The following ACYP2 variants were observed in gnomAD, a reference collection of about 807,000 sequenced individuals.
ACYP2 encodes the protein acylphosphatase 2, also known as acylphosphatase-2.
A neutral mutation model predicts 11.2 loss-of-function variants in ACYP2; 12 were observed. That is an observed-to-expected ratio of 1.08 (90% CI 0.69 to 1.74). The LOEUF (loss-of-function observed/expected upper bound fraction) is 1.74. ACYP2 is among the 40% of genes most tolerant of loss of function. ACYP2 has a pLI of 0.00. For synonymous variants in ACYP2, 43 were observed against 32.2 expected (o/e 1.33, Z -1.13); for missense variants, 134 against 101.9 (o/e 1.31, Z -1.35).
intron 6 of ACYP2, among the ~76,000 whole-genome samples, chr2:54,281,387 G>T (rs981179619): frequency 1.3e-5 from 2 of 152,212 alleles, no homozygotes; most frequent in African/African-American, 4.8e-5. Flanking sequence ...CATAGTCAAT[G>T]GATGTTATAG....
At chr2:54,164,071 G>A (rs187839984) in intron 6 of ACYP2, among the ~76,000 whole-genome samples, 35 of 152,248 alleles carry the variant, frequency 2.3e-4, no homozygotes, top group Admixed American at 3.9e-4. Flanking sequence ...GTAGAATTTC[G>A]GAAGACCAAA....
At chr2:54,061,728 G>C (rs1676478828) in intron 4 of ACYP2, among the ~76,000 whole-genome samples, 2 of 152,148 alleles carry the variant, frequency 1.3e-5, no homozygotes, top group South Asian at 4.1e-4. Context: ...CAAGCAGAGT[G>C]ATGTAATACA....
chr2:54,095,616 C>G lies in ACYP2; in HGVS notation c.277+38256C>G, dbSNP rs1272650133. ...GGCGGCTGGCCGAGTGGGGGGCTGA[C>G]CCCCCCACCTCCCTCCCAGATGGGG... On this transcript the variant is annotated intron_variant, in intron 4 of 6. Coordinates refer to ENST00000607452, the MANE Select transcript of ACYP2 (RefSeq NM_001320586.2). Among the ~76,000 whole-genome samples, 7 of 145,460 alleles carry G rather than the reference C, an allele frequency of 4.8e-5. No homozygotes were observed. In the East Asian group the frequency reaches 1.1e-3, roughly 22 times the overall value.
chr2:54,234,649 C>A (rs932259712), intron 6 of ACYP2, among the ~76,000 whole-genome samples: 1 of 152,178 alleles, frequency 6.6e-6, no homozygotes, highest in Admixed American at 6.5e-5. Context: ...TTCGGTTAAT[C>A]ATTGGCCCTC....
At chr2:54,123,755 C>T (rs1680291893) in intron 4 of ACYP2, among the ~76,000 whole-genome samples, 1 of 152,050 alleles carries the variant, frequency 6.6e-6, no homozygotes, top group Non-Finnish European at 1.5e-5. Flanking sequence ...AATATTCATA[C>T]CATGATTAGG....
intron 2 of ACYP2, among the ~76,000 whole-genome samples, chr2:54,022,161 C>G (rs1426982332): frequency 6.6e-6 from 1 of 151,932 alleles, no homozygotes; most frequent in Non-Finnish European, 1.5e-5. Flanking sequence ...GCTTTTTTCC[C>G]TCTCTCCTTC....
At chr2:54,110,054 G>A (rs7607066) in intron 4 of ACYP2, among the ~76,000 whole-genome samples, 86,712 of 151,944 alleles carry the variant, frequency 0.57, 24,897 homozygotes, top group East Asian at 0.71. Flanking sequence ...GACCTTGACA[G>A]TTTTGAGGAT....
At chr2:54,138,832 G>A in intron 6 of ACYP2, 84 bp downstream of exon 3, 1 of 1,144,888 alleles carries the variant, frequency 8.7e-7, no homozygotes, top group Non-Finnish European at 1.3e-6. Context: ...TTGCTCTGTT[G>A]CCCAGGTTGG....
chr2:54,136,560 G>A (rs893643726), intron 5 of ACYP2, among the ~76,000 whole-genome samples: 4 of 152,042 alleles, frequency 2.6e-5, no homozygotes, highest in African/African-American at 9.7e-5. Context: ...TATTTTCAGG[G>A]CCACGTCTTA....
At chr2:54,039,920 A>G (rs1207369490) in intron 2 of ACYP2, among the ~76,000 whole-genome samples, 2 of 145,142 alleles carry the variant, frequency 1.4e-5, no homozygotes, top group African/African-American at 5.2e-5. Flanking sequence ...TGGTGGTACA[A>G]TCATAGCTCA....
At chr2:54,288,087 C>G (rs997673729) in intron 6 of ACYP2, among the ~76,000 whole-genome samples, 2 of 151,916 alleles carry the variant, frequency 1.3e-5, no homozygotes, top group African/African-American at 2.4e-5. Flanking sequence ...GGCTTTGTTC[C>G]CTTCACCTTT....
chr2:54,063,617 A>G (rs1444124304), intron 4 of ACYP2, among the ~76,000 whole-genome samples: 3 of 152,336 alleles, frequency 2.0e-5, no homozygotes, highest in East Asian at 1.9e-4. Context: ...TGAAGGCCAC[A>G]GCTATTCTTT....
intron 6 of ACYP2, among the ~76,000 whole-genome samples, chr2:54,139,450 T>C (rs148370575): frequency 6.3e-4 from 96 of 152,358 alleles, no homozygotes; most frequent in African/African-American, 2.1e-3. Context: ...GGGAAAAATG[T>C]CCTGTGTACA....
intron 2 of ACYP2, among the ~76,000 whole-genome samples, chr2:54,010,256 G>C (rs1228700739): frequency 1.3e-5 from 2 of 152,184 alleles, no homozygotes; most frequent in Non-Finnish European, 2.9e-5. Flanking sequence ...GGCCAAGGCA[G>C]GTGGATCACC....
intron 1 of ACYP2, among the ~76,000 whole-genome samples, chr2:53,973,116 C>T (rs1445761017): frequency 2.0e-5 from 3 of 152,008 alleles, no homozygotes; most frequent in African/African-American, 7.3e-5. Flanking sequence ...CATGGAGAAG[C>T]GAACAATCCT....
chr2:54,246,665 C>T (rs1300512611), intron 6 of ACYP2, among the ~76,000 whole-genome samples: 1 of 151,942 alleles, frequency 6.6e-6, no homozygotes, highest in Non-Finnish European at 1.5e-5. Flanking sequence ...TTATTATGTT[C>T]TCTAAATTTT....
chr2:53,982,617 A>G (rs554844047), intron 2 of ACYP2, among the ~76,000 whole-genome samples: 1 of 152,306 alleles, frequency 6.6e-6, no homozygotes, highest in Non-Finnish European at 1.5e-5. Flanking sequence ...CGCTCATCCA[A>G]TAAGTTTTAT....
At chr2:54,015,232 C>T (rs111833811) in intron 2 of ACYP2, among the ~76,000 whole-genome samples, 1 of 151,710 alleles carries the variant, frequency 6.6e-6, no homozygotes, top group African/African-American at 2.4e-5. Flanking sequence ...AAATTACAGG[C>T]GGGTGTGGTG....
chr2:54,170,802 T>G (rs1485200581), intron 6 of ACYP2, among the ~76,000 whole-genome samples: 2 of 152,178 alleles, frequency 1.3e-5, no homozygotes, highest in Non-Finnish European at 2.9e-5. Flanking sequence ...TCTGAAGGCC[T>G]GGAACTCCTG....
Sources: gnomAD v4.1 joint callset for allele counts (sites outside exome capture counted in the v4.1 genomes callset) on GRCh38, gnomAD v4.1.1 for gene constraint, MANE v1.5 for transcripts, NCBI Gene and HGNC (gene_info 2026-07-23, HGNC 2026-07-21) for gene names.